The following TRPM6 variants were observed in gnomAD, a reference collection of about 807,000 sequenced individuals.
TRPM6 encodes the protein channel kinase 2.
Under a neutral mutation model 247.6 loss-of-function variants are expected in TRPM6, and 111 were observed. That is an observed-to-expected ratio of 0.45 (90% CI 0.38 to 0.52). TRPM6 has a LOEUF of 0.52. Ranked by LOEUF, TRPM6 falls within the 20% of genes least tolerant of loss-of-function variation. The pLI, the probability that TRPM6 is intolerant of heterozygous loss-of-function variation, is 0.00. For synonymous variants in TRPM6, 892 were observed against 853.8 expected (o/e 1.04, Z -0.78); for missense variants, 2,126 against 2,421.5 (o/e 0.88, Z 2.56).
At chr9:74,845,569 G>C (rs781781899) in intron 3 of TRPM6, among the ~76,000 whole-genome samples, 2 of 152,188 alleles carry the variant, frequency 1.3e-5, no homozygotes, top group African/African-American at 4.8e-5. Flanking sequence ...AGTGGCTCAC[G>C]CCCGTAATTC....
chr9:74,874,502 C>G (rs1468060961), intron 1 of TRPM6, among the ~76,000 whole-genome samples: 3 of 152,148 alleles, frequency 2.0e-5, no homozygotes, highest in African/African-American at 7.2e-5. Flanking sequence ...TAATGCCTTT[C>G]TTTAAGTCAC....
intron 1 of TRPM6, among the ~76,000 whole-genome samples, chr9:74,873,776 A>T (rs545749739): frequency 6.6e-6 from 1 of 152,078 alleles, no homozygotes; most frequent in Non-Finnish European, 1.5e-5. Context: ...AACAGAAAAA[A>T]ATCTTTTAAT....
chr9:74,803,801 T>G lies in TRPM6; in HGVS notation c.1724A>C (p.Lys575Thr). Reference sequence around the variant, plus strand: ...AAAACAAGTAAATGGTACCTTGAATTTGTATGGCTGTGCAGTTCTAATGAA... The same window carrying G: ...AAAACAAGTAAATGGTACCTTGAATGTGTATGGCTGTGCAGTTCTAATGAA... ...SQFIRTAQPYKFKEKSIVLHK... is the reference protein window; with the variant it reads ...SQFIRTAQPYTFKEKSIVLHK... Residue 575 changes from lysine (K) to threonine (T), a missense_variant, in exon 15 of 39, where the codon AAA becomes ACA. By Grantham distance (78) the Lys-to-Thr change is moderately conservative. This residue lies in a region of TRPM6 where 1,082 missense variants were observed against 1,307.9 expected (regional missense o/e 0.83). Coordinates refer to ENST00000360774, the MANE Select transcript of TRPM6 (RefSeq NM_017662.5). The G allele has an allele frequency of 6.2e-7, 1 of 1,609,606 alleles. No individual in the cohort carries two copies. Among genetic ancestry groups the G allele is most frequent in the Non-Finnish European group, 8.5e-7 (1 of 1,175,826 alleles).
chr9:74,803,700 T>C lies in TRPM6; in HGVS notation c.1731+94A>G, dbSNP rs1828426550. The C allele has an allele frequency of 3.3e-6, 3 of 898,916 alleles. No individual in the cohort carries two copies. In the African/African-American group the frequency reaches 4.9e-5, roughly 15 times the overall value. The allele number at this position is 898,916 out of a possible 1,614,324, so 55.7% of individuals were successfully genotyped here. ...TTATGGCACTTATAAATGGTCCCTC[T>C]ATTTGCACCTCCCTTTCTTTGATGT... On this transcript the variant is annotated intron_variant, in intron 15 of 38. Coordinates refer to ENST00000360774, the MANE Select transcript of TRPM6 (RefSeq NM_017662.5).
At chr9:74,751,964 T>A (rs1012607911) in intron 29 of TRPM6, among the ~76,000 whole-genome samples, 3 of 152,254 alleles carry the variant, frequency 2.0e-5, no homozygotes, top group Admixed American at 6.5e-5. Flanking sequence ...TTCTTCCACA[T>A]GACAACTTTC....
At chr9:74,747,783 A>G (rs1446412043) in intron 31 of TRPM6, 106 bp downstream of exon 31, 2 of 1,018,660 alleles carry the variant, frequency 2.0e-6, no homozygotes, top group Non-Finnish European at 2.9e-6. Context: ...ATGGACAAAA[A>G]TCATAAATAC....
At position 74,788,618 on chromosome 9, in the gene TRPM6, C is replaced by T. The variant is rs772334660; in HGVS notation, c.2663G>A (p.Arg888Lys). Residue 888 changes from arginine to lysine, a missense_variant, in exon 20 of 39, where the codon AGG becomes AAG. By Grantham distance (26) the Arg-to-Lys change is conservative. This residue lies in a region of TRPM6 where 1,082 missense variants were observed against 1,307.9 expected (regional missense o/e 0.83). Transcript: ENST00000360774. ...YIFTNAIEVV[R>K]EICISEPGKF... The stretch of plus-strand genomic sequence containing the variant: ...AAGGTAGATGGCATAACTCACCTCC[C>T]TGACCACCTCAATAGCATTGGTGAA... 9 of 1,613,980 alleles carry T rather than the reference C, an allele frequency of 5.6e-6. No individual in the cohort carries two copies. The highest frequency in any genetic ancestry group is 7.6e-6 in the Non-Finnish European group (9 of 1,179,904).
intron 27 of TRPM6, among the ~76,000 whole-genome samples, chr9:74,757,493 G>A (rs1442553654): frequency 2.0e-5 from 3 of 148,772 alleles, no homozygotes; most frequent in African/African-American, 7.4e-5. Flanking sequence ...TTGACCCTGG[G>A]AAGTAGAGTT....
Position 74,800,619 on chromosome 9 carries a change from TA to T in TRPM6, c.2010-138del, listed in dbSNP as rs5898379. The T allele has an allele frequency of 0.23, 128,523 of 548,744 alleles. 763 individuals carry two copies. Among genetic ancestry groups the T allele is most frequent in the Middle Eastern group, 0.28 (567 of 2,048 alleles). 34.0% of individuals were successfully genotyped at this position (548,744 alleles called of 1,614,324 possible). ...AAATATCAATTCATAAGGCTTCCTT[TA>T]AAAAAAAAAAAAAAGCCAACAACAC... On this transcript the variant is annotated intron_variant, in intron 16 of 38. Transcript: ENST00000360774.
chr9:74,848,860 G>T (rs1006876723), intron 3 of TRPM6, among the ~76,000 whole-genome samples: 8 of 151,930 alleles, frequency 5.3e-5, no homozygotes, highest in Admixed American at 2.6e-4. Flanking sequence ...ACAGTGAGAA[G>T]AAAAAAACGT....
At chr9:74,783,200 AT>A (rs1230637614) in intron 21 of TRPM6, among the ~76,000 whole-genome samples, 1 of 150,030 alleles carries the variant, frequency 6.7e-6, no homozygotes, top group Non-Finnish European at 1.5e-5. Context: ...AAAAAAAAAA[AT>A]AGGGTATTGT....
chr9:74,816,266 G>A (rs1828920210), intron 11 of TRPM6, among the ~76,000 whole-genome samples: 1 of 152,070 alleles, frequency 6.6e-6, no homozygotes, highest in Non-Finnish European at 1.5e-5. Context: ...CTACTCAGGA[G>A]GCTAATGGGG....
At chr9:74,802,316 C>G in intron 15 of TRPM6, 141 bp from the exon 16 acceptor site, 1 of 798,688 alleles carries the variant, frequency 1.3e-6, no homozygotes, top group Non-Finnish European at 2.0e-6. Flanking sequence ...ATTTTACAAG[C>G]CAGCAAGCAA....
At chr9:74,872,662 G>A (rs982657377) in intron 1 of TRPM6, among the ~76,000 whole-genome samples, 1 of 151,534 alleles carries the variant, frequency 6.6e-6, no homozygotes, top group African/African-American at 2.4e-5. Flanking sequence ...TAGAGACAGG[G>A]TTTCCCTGTC....
chr9:74,749,084 A>G (rs1826151638), intron 30 of TRPM6, among the ~76,000 whole-genome samples: 1 of 152,218 alleles, frequency 6.6e-6, no homozygotes, highest in South Asian at 2.1e-4. Flanking sequence ...ACAGGTTTGT[A>G]GCTTAGGAAC....
In TRPM6 at chr9:74,750,674, T is replaced by C. The variant is rs768742088; in HGVS notation, c.5047A>G (p.Arg1683Gly). 6.2e-7 allele frequency: 1 copy of C among 1,613,872 alleles called. No individual in the cohort carries two copies. The highest frequency in any genetic ancestry group is 8.5e-7 in the Non-Finnish European group (1 of 1,179,770). ...LWNSRSTNLNRNSLLKSSIGV... is the reference protein window; with the variant it reads ...LWNSRSTNLNGNSLLKSSIGV... The stretch of plus-strand genomic sequence containing the variant: ...TTTAGAAATACTCACAGGGAGTTCC[T>C]ATTGAGGTTGGTGCTCCTGGAATTC... Residue 1683 changes from arginine to glycine, a missense_variant, in exon 30 of 39, where the codon AGG (arginine) becomes GGG (glycine). Coordinates refer to ENST00000360774, the MANE Select transcript of TRPM6 (RefSeq NM_017662.5).
At chr9:74,769,650 C>G (rs1437979689) in intron 25 of TRPM6, among the ~76,000 whole-genome samples, 1 of 151,742 alleles carries the variant, frequency 6.6e-6, no homozygotes, top group Non-Finnish European at 1.5e-5. Flanking sequence ...CCCAGCTACT[C>G]GGGAGGCTGA....
chr9:74,807,906 T>A (rs1355220616), intron 14 of TRPM6, 128 bp downstream of exon 14: 1 of 1,057,874 alleles, frequency 9.5e-7, no homozygotes, highest in African/African-American at 1.6e-5. Context: ...ATACAGCAGA[T>A]AACAAATGTC....
chr9:74,734,304 T>C (rs1825621922), intron 36 of TRPM6, among the ~76,000 whole-genome samples: 1 of 152,214 alleles, frequency 6.6e-6, no homozygotes, highest in Admixed American at 6.5e-5. Flanking sequence ...AATTTGTAAA[T>C]TTTAGTGTAT....
Sources: gnomAD v4.1 joint callset for allele counts (sites outside exome capture counted in the v4.1 genomes callset) on GRCh38, gnomAD v4.1.1 for gene constraint, gnomAD v4.1.1 regional missense constraint, MANE v1.5 for transcripts, NCBI Gene and HGNC (gene_info 2026-07-23, HGNC 2026-07-21) for gene names.